Variants in GRIN2A observed in about 807,000 individuals in gnomAD.
GRIN2A encodes the protein glutamate receptor ionotropic, NMDA 2A.
In GRIN2A, 22 loss-of-function variants were observed where a neutral mutation model predicts 113.4. The observed-to-expected ratio is 0.19, with a 90% CI of 0.14 to 0.28. The LOEUF is 0.28. Ranked by LOEUF, GRIN2A falls within the 10% of genes least tolerant of loss-of-function variation. The pLI is 1.00. For synonymous variants in GRIN2A, 827 were observed against 738.4 expected, an observed-to-expected ratio of 1.12 and a Z score of -1.94; for missense variants, 1,502 against 1,887.0, an observed-to-expected ratio of 0.80 and a Z score of 3.78.
At chr16:10,016,826 A>G (rs2046620006) in intron 2 of GRIN2A, among the ~76,000 whole-genome samples, 1 of 152,206 alleles carries the variant, frequency 6.6e-6, no homozygotes, top group Admixed American at 6.5e-5. Context: ...CAATCAGTGC[A>G]GACCAGAGCC....
chr16:9,947,719 T>A (rs2045053750), intron 2 of GRIN2A, among the ~76,000 whole-genome samples: 1 of 152,110 alleles, frequency 6.6e-6, no homozygotes, highest in Admixed American at 6.5e-5. Flanking sequence ...AAATTTCAGC[T>A]CTTTCTCTTA....
At chr16:9,999,245 C>T (rs1320106817) in intron 2 of GRIN2A, among the ~76,000 whole-genome samples, 4 of 152,132 alleles carry the variant, frequency 2.6e-5, no homozygotes, top group Non-Finnish European at 5.9e-5. Flanking sequence ...GGTTCAAATC[C>T]TGACTCAACT....
chr16:10,167,522 C>T (rs1361450554), intron 2 of GRIN2A, among the ~76,000 whole-genome samples: 1 of 151,950 alleles, frequency 6.6e-6, no homozygotes, highest in Non-Finnish European at 1.5e-5. Context: ...TTCCATATGC[C>T]GACTTCAGCA....
intron 10 of GRIN2A, among the ~76,000 whole-genome samples, chr16:9,811,557 G>A (rs1278933458): frequency 1.3e-5 from 2 of 152,126 alleles, no homozygotes; most frequent in African/African-American, 4.8e-5. Context: ...TCAGGAGTTT[G>A]AGACCAGCCT....
chr16:10,175,574 T>A (rs929537050), intron 2 of GRIN2A, among the ~76,000 whole-genome samples: 1 of 152,216 alleles, frequency 6.6e-6, no homozygotes, highest in African/African-American at 2.4e-5. Context: ...GCATTATTTT[T>A]ATATGTCTGC....
chr16:10,089,181 G>T (rs192055567), intron 2 of GRIN2A, among the ~76,000 whole-genome samples: 1 of 152,160 alleles, frequency 6.6e-6, no homozygotes, highest in Non-Finnish European at 1.5e-5. Flanking sequence ...GTAATCAATA[G>T]GGACAAAACG....
rs2141294899 is a variant in GRIN2A, at chr16:9,822,349, G to A, written c.2083C>T (p.Arg695Trp). The change falls in exon 10 of 13, where the codon CGG (arginine) becomes TGG (tryptophan). Residue 695 changes from arginine to tryptophan, a missense_variant. Arg to Trp is a moderately radical substitution (Grantham distance 101). Around this residue, in one of 7 missense-constraint regions of GRIN2A, gnomAD observed 101 missense variants for 240.4 expected, o/e 0.42. Transcript: ENST00000330684. ...TGATGCATGTAGGGATAGTTATTCC[G>A]AATGTTTCTCTCCGTGCTTCCATTA... ...VPNGSTERNI[R>W]NNYPYMHQYM... 2 of 1,611,070 alleles carry A rather than the reference G, an allele frequency of 1.2e-6. No individual in the cohort carries two copies. The highest frequency in any genetic ancestry group is 2.2e-5 in the East Asian group (1 of 44,832).
At chr16:9,821,048 T>C (rs886124884) in intron 10 of GRIN2A, among the ~76,000 whole-genome samples, 1 of 152,084 alleles carries the variant, frequency 6.6e-6, no homozygotes, top group Non-Finnish European at 1.5e-5. Context: ...AATCTGGGCT[T>C]TGATGCTTTA....
intron 3 of GRIN2A, among the ~76,000 whole-genome samples, chr16:9,924,151 T>C (rs1440935371): frequency 1.3e-5 from 2 of 150,662 alleles, no homozygotes; most frequent in East Asian, 2.0e-4. Context: ...AAAAACCTCA[T>C]GCGTTTAACA....
At chr16:9,808,638 A>C (rs539182339) in intron 10 of GRIN2A, among the ~76,000 whole-genome samples, 30 of 152,324 alleles carry the variant, frequency 2.0e-4, no homozygotes, top group African/African-American at 5.3e-4. Flanking sequence ...AATTTGCCAA[A>C]GGTCACACAG....
chr16:9,876,568 A>G (rs2043369993), intron 4 of GRIN2A, among the ~76,000 whole-genome samples: 1 of 152,106 alleles, frequency 6.6e-6, no homozygotes, highest in South Asian at 2.1e-4. Context: ...CGGATTTTGT[A>G]GCCCCCACAG....
chr16:10,156,745 T>C (rs1482303591), intron 2 of GRIN2A, among the ~76,000 whole-genome samples: 1 of 152,140 alleles, frequency 6.6e-6, no homozygotes, highest in Admixed American at 6.5e-5. Context: ...GGACTAACAA[T>C]GACATGTTTC....
At chr16:10,132,157 T>A (rs957486509) in intron 2 of GRIN2A, among the ~76,000 whole-genome samples, 1 of 151,600 alleles carries the variant, frequency 6.6e-6, no homozygotes, top group African/African-American at 2.4e-5. Flanking sequence ...CATAGTGAAA[T>A]CCCATCTCTT....
intron 5 of GRIN2A, among the ~76,000 whole-genome samples, chr16:9,846,955 G>C (rs951916355): frequency 6.6e-6 from 1 of 152,168 alleles, no homozygotes; most frequent in Non-Finnish European, 1.5e-5. Context: ...TCCCCAGAGG[G>C]TTTGTAGATT....
intron 9 of GRIN2A, among the ~76,000 whole-genome samples, chr16:9,823,799 C>G (rs2042333437): frequency 6.6e-6 from 1 of 152,172 alleles, no homozygotes; most frequent in Non-Finnish European, 1.5e-5. Flanking sequence ...CCGGATGCGT[C>G]TGACCACAGG....
chr16:9,855,582 CT>C lies in GRIN2A; in HGVS notation c.1123-5622del, dbSNP rs374674305. On this transcript the variant is annotated intron_variant, in intron 4 of 12. Transcript: ENST00000330684. Reference sequence around the variant, plus strand: ...GTTTGAATCAGATAATCTCTAAGGTCTTTCAGGTATAGCACTCTATGTAAAA... The same window carrying C: ...GTTTGAATCAGATAATCTCTAAGGTCTTCAGGTATAGCACTCTATGTAAAA... 2.0e-5 allele frequency among the ~76,000 whole-genome samples: 3 copies of C among 152,242 alleles called. No homozygotes were observed. In the East Asian group the frequency reaches 5.8e-4, roughly 29 times the overall value.
chr16:10,039,801 AGGG>A (rs761949844), intron 2 of GRIN2A, among the ~76,000 whole-genome samples: 2 of 12,750 alleles, frequency 1.6e-4, no homozygotes, highest in African/African-American at 7.4e-4. Flanking sequence ...GGGGAGGGGG[AGGG>A]GGGGGAGAAA....
chr16:10,179,877 CT>C, intron 2 of GRIN2A, 120 bp downstream of exon 2: 4 of 644,122 alleles, frequency 6.2e-6, no homozygotes, highest in East Asian at 3.7e-5. Flanking sequence ...GGCCACGACC[CT>C]CCCACCCCCA....
At chr16:9,884,750 C>CTT (rs34469635) in intron 4 of GRIN2A, among the ~76,000 whole-genome samples, 30 of 125,320 alleles carry the variant, frequency 2.4e-4, no homozygotes, top group East Asian at 9.8e-4. Context: ...TAGAGAATTT[C>CTT]TTTTTTTTTT....
Sources: allele counts gnomAD v4.1 joint callset (sites outside exome capture counted in the v4.1 genomes callset), GRCh38; gene constraint gnomAD v4.1.1; regional missense constraint gnomAD v4.1.1; transcripts MANE v1.5; gene names NCBI Gene and HGNC (gene_info 2026-07-23, HGNC 2026-07-21).